The following LTBP1 variants were observed in gnomAD, a reference collection of about 807,000 sequenced individuals.
LTBP1 encodes latent transforming growth factor beta binding protein 1.
A neutral mutation model predicts 207.6 loss-of-function variants in LTBP1; 129 were observed. The ratio of observed to expected loss-of-function variants is 0.62; its 90% CI spans 0.54 to 0.72. The LOEUF (loss-of-function observed/expected upper bound fraction) is 0.72, where lower values mean the gene tolerates loss of function less well. Ranked by LOEUF, LTBP1 falls within the 30% of genes least tolerant of loss-of-function variation. LTBP1 has a pLI of 0.00. For missense variants in LTBP1, 2,281 were observed against 2,217.2 expected (o/e 1.03, Z -0.58); for synonymous variants, 963 against 833.7 (o/e 1.16, Z -2.67).
chr2:33,148,088 G>C (rs571863939), intron 5 of LTBP1, among the ~76,000 whole-genome samples: 2 of 152,296 alleles, frequency 1.3e-5, no homozygotes, highest in South Asian at 4.2e-4. Context: ...TAGTGTGGTG[G>C]TCTTATCTGC....
intron 7 of LTBP1, among the ~76,000 whole-genome samples, chr2:33,193,226 C>T (rs1558789915): frequency 6.6e-6 from 1 of 152,204 alleles, no homozygotes. Context: ...ACTGCAACCT[C>T]TGCCTCCCTG....
intron 5 of LTBP1, among the ~76,000 whole-genome samples, chr2:33,163,977 T>TC (rs1342622945): frequency 1.3e-5 from 2 of 152,068 alleles, no homozygotes; most frequent in Non-Finnish European, 2.9e-5. Flanking sequence ...ATTTTTTTTT[T>TC]CTCTTAATAT....
chr2:33,330,840 G>C (rs1045478618), intron 24 of LTBP1, among the ~76,000 whole-genome samples: 1 of 147,014 alleles, frequency 6.8e-6, no homozygotes, highest in Non-Finnish European at 1.5e-5. Context: ...AATCCTTGAA[G>C]AATTCACCGG....
At chr2:33,121,936 C>G (rs1488014830) in intron 4 of LTBP1, among the ~76,000 whole-genome samples, 1 of 152,126 alleles carries the variant, frequency 6.6e-6, no homozygotes, top group African/African-American at 2.4e-5. Context: ...ATTTGACTTT[C>G]TCCCCTAACA....
rs183542606 is a variant in LTBP1 at position 33,353,105 on chromosome 2, A to G, written c.4000+5595A>G. On this transcript the variant is annotated intron_variant, in intron 26 of 33. Coordinates refer to ENST00000404816, the MANE Select transcript of LTBP1 (RefSeq NM_206943.4). ...GTGATTCTTGTGCCTCTGCCTCCCTAGTAGCTAGGATTACAGGCCTGTGCC... is the reference window on the plus strand; with the variant it reads ...GTGATTCTTGTGCCTCTGCCTCCCTGGTAGCTAGGATTACAGGCCTGTGCC... Among the ~76,000 whole-genome samples, 3 of 147,574 alleles carry G rather than the reference A, an allele frequency of 2.0e-5. No homozygotes were observed. The East Asian group carries it at 6.0e-4, about 30-fold the overall frequency.
intron 2 of LTBP1, among the ~76,000 whole-genome samples, chr2:32,977,818 G>A (rs1682059224): frequency 6.6e-6 from 1 of 152,162 alleles, no homozygotes; most frequent in Non-Finnish European, 1.5e-5. Flanking sequence ...TTGCTGCCTT[G>A]ATGGATCCCG....
At chr2:33,391,856 T>C (rs1440726419) in intron 32 of LTBP1, among the ~76,000 whole-genome samples, 1 of 152,176 alleles carries the variant, frequency 6.6e-6, no homozygotes, top group African/African-American at 2.4e-5. Flanking sequence ...GTCACATCAA[T>C]CTCTTATTTA....
chr2:33,125,317 T>C (rs1023900337), intron 4 of LTBP1, among the ~76,000 whole-genome samples: 2 of 152,194 alleles, frequency 1.3e-5, no homozygotes, highest in African/African-American at 4.8e-5. Flanking sequence ...TGGATATGAC[T>C]GCAGCTTACA....
At chr2:33,142,654 G>A (rs2082727959) in intron 5 of LTBP1, among the ~76,000 whole-genome samples, 2 of 152,098 alleles carry the variant, frequency 1.3e-5, no homozygotes, top group South Asian at 2.1e-4. Context: ...AGTGGGGCGG[G>A]GGGCAGAGTG....
intron 3 of LTBP1, among the ~76,000 whole-genome samples, chr2:33,058,647 G>C (rs964852657): frequency 6.6e-6 from 1 of 152,150 alleles, no homozygotes; most frequent in Admixed American, 6.5e-5. Context: ...ATTGATAGCT[G>C]CTATCAATGG....
At chr2:33,165,516 A>G (rs899911313) in intron 5 of LTBP1, among the ~76,000 whole-genome samples, 1 of 152,258 alleles carries the variant, frequency 6.6e-6, no homozygotes, top group African/African-American at 2.4e-5. Flanking sequence ...TTTACCAACT[A>G]GAAGAGCAAG....
At chr2:33,151,485 G>A (rs1456911816) in intron 5 of LTBP1, among the ~76,000 whole-genome samples, 2 of 151,722 alleles carry the variant, frequency 1.3e-5, no homozygotes, top group East Asian at 1.9e-4. Flanking sequence ...CTTCCCATAG[G>A]TTATTGGGGT....
intron 3 of LTBP1, among the ~76,000 whole-genome samples, chr2:33,059,940 A>G (rs2077183317): frequency 6.6e-6 from 1 of 152,252 alleles, no homozygotes; most frequent in African/African-American, 2.4e-5. Flanking sequence ...ACCTCTGGCA[A>G]GAAGACTGGC....
intron 24 of LTBP1, among the ~76,000 whole-genome samples, chr2:33,316,907 G>A (rs571121743): frequency 1.1e-3 from 168 of 152,184 alleles, no homozygotes; most frequent in African/African-American, 3.9e-3. Context: ...GATGGTAAAG[G>A]CTTGCTTCCT....
chr2:33,104,469 A>G (rs984287825), intron 3 of LTBP1, among the ~76,000 whole-genome samples: 2 of 152,172 alleles, frequency 1.3e-5, no homozygotes, highest in Non-Finnish European at 2.9e-5. Context: ...GTGACCTTCA[A>G]CCAAACCCAG....
chr2:33,110,514 CT>C, intron 3 of LTBP1, 67 bp from the exon 4 acceptor site: 1 of 1,432,816 alleles, frequency 7.0e-7, no homozygotes, highest in Non-Finnish European at 9.6e-7. Flanking sequence ...GTTGCTTACC[CT>C]TTCCTTATTA....
chr2:33,138,749 A>G (rs954698397), intron 5 of LTBP1, among the ~76,000 whole-genome samples: 1 of 152,190 alleles, frequency 6.6e-6, no homozygotes, highest in African/African-American at 2.4e-5. Context: ...ATGATGGTCA[A>G]AATAACACAT....
intron 2 of LTBP1, among the ~76,000 whole-genome samples, chr2:33,009,136 C>A (rs1687326986): frequency 1.3e-5 from 2 of 152,134 alleles, no homozygotes; most frequent in Non-Finnish European, 2.9e-5. Flanking sequence ...TCTGGTTGCT[C>A]TGGTGAGAAT....
At chr2:33,276,792 A>G (rs894033059) in intron 18 of LTBP1, among the ~76,000 whole-genome samples, 1 of 152,272 alleles carries the variant, frequency 6.6e-6, no homozygotes, top group Admixed American at 6.5e-5. Context: ...CAGAGGTTGC[A>G]GTGAGCTGAG....
Sources: allele counts gnomAD v4.1 joint callset (sites outside exome capture counted in the v4.1 genomes callset), GRCh38; gene constraint gnomAD v4.1.1; transcripts MANE v1.5; gene names NCBI Gene and HGNC (gene_info 2026-07-23, HGNC 2026-07-21).